The following KCNIP4 variants were observed in gnomAD, a reference collection of about 807,000 sequenced individuals.
KCNIP4 encodes potassium voltage-gated channel interacting protein 4.
A neutral mutation model predicts 34.0 loss-of-function variants in KCNIP4; 12 were observed. That is an observed-to-expected ratio of 0.35 (90% CI 0.23 to 0.57). The LOEUF is 0.57. Ranked by LOEUF, KCNIP4 falls within the 20% of genes least tolerant of loss-of-function variation. The pLI, the probability that KCNIP4 is intolerant of heterozygous loss-of-function variation, is 0.83. For synonymous variants in KCNIP4, 124 were observed against 102.2 expected (o/e 1.21, Z -1.29); for missense variants, 238 against 311.7 (o/e 0.76, Z 1.78).
chr4:21,126,696 C>G (rs1159872978), intron 1 of KCNIP4, among the ~76,000 whole-genome samples: 1 of 148,738 alleles, frequency 6.7e-6, no homozygotes, highest in Non-Finnish European at 1.5e-5. Context: ...AAGAGTGTTT[C>G]TGGAAGGGAT....
chr4:21,720,580 G>A (rs764664396), intron 1 of KCNIP4, among the ~76,000 whole-genome samples: 16 of 145,594 alleles, frequency 1.1e-4, no homozygotes, highest in Admixed American at 9.1e-4. Context: ...TGTGCACAAC[G>A]TGCAGGTTTG....
At chr4:21,267,023 T>C (rs1381568434) in intron 1 of KCNIP4, among the ~76,000 whole-genome samples, 1 of 152,146 alleles carries the variant, frequency 6.6e-6, no homozygotes, top group Non-Finnish European at 1.5e-5. Context: ...ATAATGTAGG[T>C]TATGTGTGAG....
intron 1 of KCNIP4, among the ~76,000 whole-genome samples, chr4:21,654,398 G>A (rs1411015278): frequency 1.3e-5 from 2 of 152,160 alleles, no homozygotes; most frequent in African/African-American, 4.8e-5. Context: ...CGCAATGGCA[G>A]GTGCCTAGGA....
intron 3 of KCNIP4, among the ~76,000 whole-genome samples, chr4:20,825,451 T>C (rs561749738): frequency 1.3e-5 from 2 of 152,220 alleles, no homozygotes; most frequent in Admixed American, 1.3e-4. Flanking sequence ...TGAATTTGAA[T>C]GACTAGGGAA....
chr4:20,834,005 G>C (rs977833217), intron 3 of KCNIP4, among the ~76,000 whole-genome samples: 35 of 152,202 alleles, frequency 2.3e-4, no homozygotes, highest in African/African-American at 8.2e-4. Context: ...CAGGGCTGCA[G>C]ATCTCGGGAT....
chr4:20,879,411 A>G (rs1724434632), intron 2 of KCNIP4, among the ~76,000 whole-genome samples: 2 of 152,166 alleles, frequency 1.3e-5, no homozygotes, highest in Admixed American at 6.6e-5. Context: ...TTCCTGGTAC[A>G]TTTCCAAGAC....
intron 1 of KCNIP4, among the ~76,000 whole-genome samples, chr4:20,975,560 C>T (rs147713271): frequency 4.7e-4 from 71 of 152,208 alleles, no homozygotes; most frequent in African/African-American, 1.6e-3. Flanking sequence ...ATTGAAAAAA[C>T]GCATGTGTTA....
intron 1 of KCNIP4, among the ~76,000 whole-genome samples, chr4:21,913,803 T>C (rs1207008810): frequency 6.6e-6 from 1 of 152,162 alleles, no homozygotes; most frequent in Non-Finnish European, 1.5e-5. Flanking sequence ...GATGGGGTTA[T>C]GTTCTGAGTG....
At chr4:21,315,914 C>T (rs1056404007) in intron 1 of KCNIP4, among the ~76,000 whole-genome samples, 1 of 152,150 alleles carries the variant, frequency 6.6e-6, no homozygotes, top group African/African-American at 2.4e-5. Context: ...GCATTCAAAA[C>T]CCCTACCAAC....
intron 5 of KCNIP4, among the ~76,000 whole-genome samples, chr4:20,742,435 T>G (rs1177598956): frequency 6.6e-6 from 1 of 152,114 alleles, no homozygotes; most frequent in East Asian, 1.9e-4. Flanking sequence ...ATAAATGTAA[T>G]CCATCATATA....
chr4:21,109,635 C>T (rs1011102122), intron 1 of KCNIP4, among the ~76,000 whole-genome samples: 4 of 152,184 alleles, frequency 2.6e-5, no homozygotes, highest in African/African-American at 9.6e-5. Flanking sequence ...TCTGGCACTC[C>T]CTAGTGAGAC....
At chr4:21,248,509 C>A (rs1042690735) in intron 1 of KCNIP4, among the ~76,000 whole-genome samples, 5 of 152,186 alleles carry the variant, frequency 3.3e-5, no homozygotes, top group African/African-American at 1.2e-4. Context: ...GCCTTGATAA[C>A]TGGAGAATTT....
chr4:21,454,858 C>A (rs1728789188), intron 1 of KCNIP4, among the ~76,000 whole-genome samples: 1 of 152,060 alleles, frequency 6.6e-6, no homozygotes, highest in Non-Finnish European at 1.5e-5. Context: ...TAAAATGCAA[C>A]TTATTGGAAA....
Position 20,906,149 on chromosome 4 carries a change from C to T in KCNIP4, c.62-23440G>A, listed in dbSNP as rs182068600. On this transcript the variant is annotated intron_variant, in intron 1 of 8. Coordinates refer to ENST00000382152, the MANE Select transcript of KCNIP4 (RefSeq NM_025221.6). ...CTCTTTCTCTTTCTCTCTCTCTTGT[C>T]GGGCAGCCTCCCAACAGGGGGATTT... 1.4e-4 allele frequency among the ~76,000 whole-genome samples: 21 copies of T among 146,932 alleles called. No individual in the cohort carries two copies. In the East Asian group the frequency reaches 3.3e-3, roughly 23 times the overall value.
intron 1 of KCNIP4, among the ~76,000 whole-genome samples, chr4:21,930,612 C>T (rs1729510411): frequency 6.6e-6 from 1 of 152,066 alleles, no homozygotes; most frequent in Non-Finnish European, 1.5e-5. Context: ...GACTATGGCT[C>T]GATTTTTCAC....
chr4:21,166,895 C>G (rs544051295), intron 1 of KCNIP4, among the ~76,000 whole-genome samples: 1 of 132,396 alleles, frequency 7.6e-6, no homozygotes, highest in Non-Finnish European at 1.5e-5. Context: ...GCTGAGATCA[C>G]GCCATTGCAC....
intron 1 of KCNIP4, among the ~76,000 whole-genome samples, chr4:21,187,563 A>C (rs10938837): frequency 0.12 from 17,686 of 152,182 alleles, 1,109 homozygotes; most frequent in East Asian, 0.19. Flanking sequence ...AATGCGTGAA[A>C]AGGTTAATGG....
rs1560473364 is a variant in KCNIP4, at chr4:21,512,197, GAA to G, written c.61+436372_61+436373del. The stretch of plus-strand genomic sequence containing the variant: ...GGAAGGAAGGAACGAACGAAGGAAC[GAA>G]CGAAGGAAGGAAGGAAGGAAGGAAG... On this transcript the variant is annotated intron_variant, in intron 1 of 8. Coordinates refer to ENST00000382152, the MANE Select transcript of KCNIP4 (RefSeq NM_025221.6). Among the ~76,000 whole-genome samples, 34 of 81,564 alleles carry G rather than the reference GAA, an allele frequency of 4.2e-4. 1 individual carries two copies. Among genetic ancestry groups the G allele is most frequent in the African/African-American group, 1.3e-3 (33 of 26,286 alleles). 53.5% of individuals were successfully genotyped at this position (81,564 alleles called of 152,430 possible).
chr4:21,474,533 C>A (rs571671276), intron 1 of KCNIP4, among the ~76,000 whole-genome samples: 109 of 152,250 alleles, frequency 7.2e-4, no homozygotes, highest in Middle Eastern at 3.4e-3. Flanking sequence ...TCCCTACTCT[C>A]CCTTCCACAG....
Sources: allele counts gnomAD v4.1 joint callset (sites outside exome capture counted in the v4.1 genomes callset), GRCh38; gene constraint gnomAD v4.1.1; transcripts MANE v1.5; gene names NCBI Gene and HGNC (gene_info 2026-07-23, HGNC 2026-07-21).